GMDS: variants seen among roughly 807,000 people sequenced by gnomAD.
GMDS encodes GDP-mannose 4,6 dehydratase.
Under a neutral mutation model 49.9 loss-of-function variants are expected in GMDS, and 20 were observed. The observed-to-expected ratio is 0.40, with a 90% confidence interval of 0.28 to 0.58. The LOEUF (loss-of-function observed/expected upper bound fraction) is 0.58. Ranked by LOEUF, GMDS falls within the 20% of genes least tolerant of loss-of-function variation. GMDS has a pLI of 0.42. For synonymous variants in GMDS, 177 were observed against 178.6 expected (o/e 0.99, Z 0.07); for missense variants, 362 against 481.4 (o/e 0.75, Z 2.32).
At chr6:1,636,669 C>T (rs912123784) in intron 9 of GMDS, among the ~76,000 whole-genome samples, 1 of 152,222 alleles carries the variant, frequency 6.6e-6, no homozygotes, top group African/African-American at 2.4e-5. Context: ...CAGGGCCTAG[C>T]CTGACACCAT....
chr6:1,884,668 T>C (rs566090192), intron 7 of GMDS, among the ~76,000 whole-genome samples: 4 of 152,334 alleles, frequency 2.6e-5, no homozygotes, highest in African/African-American at 9.6e-5. Context: ...TTTGTAAATG[T>C]TCCCAGTCCT....
chr6:1,917,888 G>C (rs3800130), intron 7 of GMDS, among the ~76,000 whole-genome samples: 1 of 151,988 alleles, frequency 6.6e-6, no homozygotes, highest in African/African-American at 2.4e-5. Flanking sequence ...GGGATATGTC[G>C]TCTGAGCATG....
At chr6:1,910,123 T>C (rs553045868) in intron 7 of GMDS, among the ~76,000 whole-genome samples, 21 of 152,342 alleles carry the variant, frequency 1.4e-4, no homozygotes, top group African/African-American at 4.8e-4. Context: ...TTCTTAAAAT[T>C]AATGTTACAT....
At position 2,224,769 on chromosome 6, in the gene GMDS, G is replaced by T. The variant is rs117244552; in HGVS notation, c.102+20552C>A. On this transcript the variant is annotated intron_variant, in intron 1 of 10. Transcript: ENST00000380815. ...AAATTATAGCGTGTCTTCAGGAAAA[G>T]AATTCTAGGTCAAAGCAGACTAATG... is the stretch of plus-strand genomic sequence containing the variant. Among the ~76,000 whole-genome samples, 89 of 152,292 alleles carry T rather than the reference G, an allele frequency of 5.8e-4. No individual in the cohort carries two copies. The East Asian group carries it at 0.016, about 28-fold the overall frequency.
intron 9 of GMDS, among the ~76,000 whole-genome samples, chr6:1,670,123 G>A (rs988967357): frequency 1.3e-5 from 2 of 151,918 alleles, no homozygotes; most frequent in African/African-American, 2.4e-5. Flanking sequence ...AAGTCAGAGC[G>A]CTGCGCACGT....
chr6:1,743,403 C>A (rs1767353098), intron 7 of GMDS, among the ~76,000 whole-genome samples: 1 of 150,718 alleles, frequency 6.6e-6, no homozygotes, highest in Non-Finnish European at 1.5e-5. Flanking sequence ...ATTAGCCGGG[C>A]GTGGTGGGGG....
At chr6:1,685,082 C>A (rs779596690) in intron 9 of GMDS, among the ~76,000 whole-genome samples, 1 of 151,884 alleles carries the variant, frequency 6.6e-6, no homozygotes, top group South Asian at 2.1e-4. Context: ...TGTAAAGCAC[C>A]TTGAGACACT....
At chr6:1,969,610 C>G (rs1040109730) in intron 4 of GMDS, among the ~76,000 whole-genome samples, 3 of 152,168 alleles carry the variant, frequency 2.0e-5, no homozygotes, top group Non-Finnish European at 4.4e-5. Flanking sequence ...GGGGCGGCCT[C>G]TAAGTTCCAA....
chr6:1,729,957 T>A (rs1297659472), intron 8 of GMDS, among the ~76,000 whole-genome samples: 2 of 152,056 alleles, frequency 1.3e-5, no homozygotes, highest in African/African-American at 4.8e-5. Flanking sequence ...TGAGTCAAGT[T>A]TGGGGCTATT....
chr6:2,210,102 T>C (rs1419368165), intron 1 of GMDS, among the ~76,000 whole-genome samples: 1 of 152,236 alleles, frequency 6.6e-6, no homozygotes, highest in Non-Finnish European at 1.5e-5. Context: ...ATTTAGCTCC[T>C]GAGTGCCTTT....
rs576942769 is a variant in GMDS at position 2,030,805 on chromosome 6, C to T, written c.346-69839G>A. On this transcript the variant is annotated intron_variant, in intron 4 of 10. Coordinates refer to ENST00000380815, the MANE Select transcript of GMDS (RefSeq NM_001500.4). Reference sequence around the variant, plus strand: ...TCGCTAAATTGTAGCTATACTGTAGCTCAAAATGTATTGCTTGGGACATAG... The same window carrying T: ...TCGCTAAATTGTAGCTATACTGTAGTTCAAAATGTATTGCTTGGGACATAG... Among the ~76,000 whole-genome samples, 9 of 152,198 alleles carry T rather than the reference C, an allele frequency of 5.9e-5. 1 individual carries two copies. Among genetic ancestry groups the T allele is most frequent in the African/African-American group, 1.9e-4 (8 of 41,508 alleles).
Position 1,770,779 on chromosome 6 carries a change from A to C in GMDS, c.772-28193T>G, listed in dbSNP as rs182721183. On this transcript the variant is annotated intron_variant, in intron 7 of 10. Coordinates refer to ENST00000380815, the MANE Select transcript of GMDS (RefSeq NM_001500.4). The stretch of plus-strand genomic sequence containing the variant: ...AAAGGGTCTTCTTAATGAGGATAGA[A>C]GATCACTTAATCAGGAGTCTGCATA... Among the ~76,000 whole-genome samples the C allele has an allele frequency of 2.0e-5, 3 of 152,360 alleles. No individual in the cohort carries two copies. In the East Asian group the frequency reaches 5.8e-4, roughly 29 times the overall value.
intron 9 of GMDS, among the ~76,000 whole-genome samples, chr6:1,721,705 C>T (rs573984359): frequency 4.6e-5 from 7 of 151,942 alleles, no homozygotes; most frequent in African/African-American, 7.2e-5. Context: ...AAATTTGGCA[C>T]GTTAGGATGA....
At chr6:1,845,171 A>G (rs946833385) in intron 7 of GMDS, among the ~76,000 whole-genome samples, 8 of 152,240 alleles carry the variant, frequency 5.3e-5, no homozygotes, top group African/African-American at 1.9e-4. Flanking sequence ...GATTGAGGCA[A>G]TTTGTCAATG....
At chr6:2,098,880 A>G (rs1333614761) in intron 4 of GMDS, among the ~76,000 whole-genome samples, 1 of 152,160 alleles carries the variant, frequency 6.6e-6, no homozygotes, top group Admixed American at 6.5e-5. Flanking sequence ...GAAAAGTTTT[A>G]TTATTATATA....
intron 8 of GMDS, among the ~76,000 whole-genome samples, chr6:1,732,745 A>G (rs1432142907): frequency 6.6e-6 from 1 of 152,232 alleles, no homozygotes; most frequent in East Asian, 1.9e-4. Flanking sequence ...AACATTCCCT[A>G]GCAGATGGGC....
In GMDS at chr6:1,725,652, G is replaced by A. The variant is rs189525895; in HGVS notation, c.987+764C>T. ...TTCACATGTTGGTCAGGCTGGTCTT[G>A]AACTCCTGAGCTCAGGTGATCTGCA... On this transcript the variant is annotated intron_variant, in intron 9 of 10. Coordinates refer to ENST00000380815, the MANE Select transcript of GMDS (RefSeq NM_001500.4). Among the ~76,000 whole-genome samples, 623 of 152,232 alleles carry A rather than the reference G, an allele frequency of 4.1e-3. 5 individuals are homozygous for A. Among genetic ancestry groups the A allele is most frequent in the African/African-American group, 0.014 (587 of 41,544 alleles).
chr6:1,704,456 C>T (rs533788336), intron 9 of GMDS, among the ~76,000 whole-genome samples: 6 of 151,998 alleles, frequency 3.9e-5, no homozygotes, highest in South Asian at 2.1e-4. Flanking sequence ...AAGGTCAGTA[C>T]GGGAGTACCA....
At chr6:2,215,376 AT>A (rs1468827501) in intron 1 of GMDS, among the ~76,000 whole-genome samples, 3 of 152,170 alleles carry the variant, frequency 2.0e-5, no homozygotes, top group African/African-American at 7.2e-5. Flanking sequence ...AGGTCTCACA[AT>A]CATGGCAGAA....
Sources: allele counts gnomAD v4.1 joint callset (sites outside exome capture counted in the v4.1 genomes callset), GRCh38; gene constraint gnomAD v4.1.1; transcripts MANE v1.5; gene names NCBI Gene and HGNC (gene_info 2026-07-23, HGNC 2026-07-21).